Variants in MAP4K5 observed in about 807,000 individuals in gnomAD.
MAP4K5 encodes MAPK/ERK kinase kinase kinase 5.
MAP4K5 carries 82 observed loss-of-function variants against 135.6 expected under a neutral mutation model. That is an observed-to-expected ratio of 0.60 (90% CI 0.51 to 0.73). MAP4K5 has a LOEUF of 0.73. Among genes scored for constraint, MAP4K5 ranks in the 30% least tolerant of loss-of-function variants. The probability of loss-of-function intolerance (pLI) is 0.00; values close to 1 mark genes in which losing one functional copy is unlikely to be tolerated. For synonymous variants in MAP4K5, 347 were observed against 335.0 expected, an observed-to-expected ratio of 1.04 and a Z score of -0.39; for missense variants, 907 against 1,010.9, an observed-to-expected ratio of 0.90 and a Z score of 1.39.
chr14:50,486,307 C>A, intron 3 of MAP4K5, 113 bp from the exon 4 acceptor site: 3 of 500,318 alleles, frequency 6.0e-6, no homozygotes, highest in Non-Finnish European at 1.1e-5. Context: ...ATTCTTAATA[C>A]TTCAATGAAA....
intron 2 of MAP4K5, among the ~76,000 whole-genome samples, chr14:50,523,896 T>C (rs1240832036): frequency 6.6e-6 from 1 of 152,136 alleles, no homozygotes; most frequent in African/African-American, 2.4e-5. Flanking sequence ...CCAGCTCCCA[T>C]TCATTAACAT....
chr14:50,468,165 A>G (rs1057307253), intron 10 of MAP4K5, among the ~76,000 whole-genome samples: 1 of 152,154 alleles, frequency 6.6e-6, no homozygotes, highest in African/African-American at 2.4e-5. Context: ...TATAACTAGA[A>G]AAGTTTCATC....
chr14:50,425,386 C>G (rs2035823467), intron 31 of MAP4K5, among the ~76,000 whole-genome samples: 1 of 151,988 alleles, frequency 6.6e-6, no homozygotes, highest in African/African-American at 2.4e-5. Flanking sequence ...TTATTTTGAG[C>G]CTGAAATAAG....
chr14:50,458,729 G>T (rs1163599873), intron 13 of MAP4K5, among the ~76,000 whole-genome samples: 1 of 152,154 alleles, frequency 6.6e-6, no homozygotes, highest in African/African-American at 2.4e-5. Flanking sequence ...TCCCTTGGGT[G>T]ATCGATCACA....
intron 30 of MAP4K5, among the ~76,000 whole-genome samples, chr14:50,427,024 G>T (rs978528384): frequency 3.3e-5 from 5 of 152,070 alleles, no homozygotes; most frequent in African/African-American, 1.2e-4. Flanking sequence ...AATCACATGT[G>T]TTTCACTAAC....
chr14:50,423,125 C>A lies in MAP4K5; in HGVS notation c.2449G>T (p.Asp817Tyr). 6.5e-7 allele frequency: 1 copy of A among 1,547,660 alleles called. No individual in the cohort carries two copies. Among genetic ancestry groups the A allele is most frequent in the Non-Finnish European group, 8.9e-7 (1 of 1,126,440 alleles). The change falls in exon 32 of 33, where the codon GAC (aspartate) becomes TAC (tyrosine). Residue 817 changes from aspartate (D) to tyrosine (Y), a missense_variant. Physicochemically the swap from Asp to Tyr is radical, Grantham distance 160. Transcript: ENST00000682126. ...ETRVFRLLGSDRVVVLESRPT... is the reference protein window; with the variant it reads ...ETRVFRLLGSYRVVVLESRPT... ...TTAATACAACCAAACTATTACCTGT[C>A]TGATCCTAATAAGCGGAAAACTCTT...
chr14:50,468,412 T>C (rs2036879796), intron 10 of MAP4K5: 1 of 468,778 alleles, frequency 2.1e-6, no homozygotes, highest in East Asian at 3.4e-5. Context: ...ACTAGTCAAG[T>C]ACAGTAGTGA....
At chr14:50,445,435 A>G (rs1330239634) in intron 17 of MAP4K5, among the ~76,000 whole-genome samples, 1 of 152,192 alleles carries the variant, frequency 6.6e-6, no homozygotes, top group Non-Finnish European at 1.5e-5. Context: ...CCACAAAACA[A>G]CTAGAAACAA....
chr14:50,523,168 G>A (rs537785340), intron 2 of MAP4K5, among the ~76,000 whole-genome samples: 25 of 152,214 alleles, frequency 1.6e-4, no homozygotes, highest in African/African-American at 4.6e-4. Context: ...AAAATTAGCC[G>A]GGCGTGGTGG....
intron 26 of MAP4K5, among the ~76,000 whole-genome samples, chr14:50,436,363 G>C (rs559654748): frequency 6.6e-6 from 1 of 152,084 alleles, no homozygotes; most frequent in Non-Finnish European, 1.5e-5. Flanking sequence ...GGGGGACTCT[G>C]GTCACTGGAT....
chr14:50,427,473 T>C (rs536848245), intron 30 of MAP4K5, among the ~76,000 whole-genome samples: 1 of 152,314 alleles, frequency 6.6e-6, no homozygotes, highest in South Asian at 2.1e-4. Context: ...ATTTTGTGGA[T>C]AAAACTCCAA....
intron 2 of MAP4K5, among the ~76,000 whole-genome samples, chr14:50,514,298 G>A (rs2037988292): frequency 6.6e-6 from 1 of 151,954 alleles, no homozygotes; most frequent in Non-Finnish European, 1.5e-5. Flanking sequence ...GGCCAGGATG[G>A]TCTCAAATTC....
At chr14:50,468,340 GA>G (rs2036877996) in intron 10 of MAP4K5, 2 of 233,090 alleles carry the variant, frequency 8.6e-6, no homozygotes, top group South Asian at 2.5e-4. Flanking sequence ...AAACAGTACA[GA>G]CAATTTACTC....
chr14:50,493,766 T>A (rs1595510055), intron 3 of MAP4K5, among the ~76,000 whole-genome samples: 1 of 152,146 alleles, frequency 6.6e-6, no homozygotes, highest in Non-Finnish European at 1.5e-5. Flanking sequence ...CACGGGCAGA[T>A]CGCCTGAGGT....
chr14:50,507,651 A>G (rs1459706627), intron 2 of MAP4K5, among the ~76,000 whole-genome samples: 3 of 152,144 alleles, frequency 2.0e-5, no homozygotes, highest in African/African-American at 7.2e-5. Flanking sequence ...CATGCAGTTG[A>G]GCAGTTTTGA....
Position 50,441,789 on chromosome 14 carries a change from CACACACACAT to C in MAP4K5, c.1564+933_1564+942del, listed in dbSNP as rs1290658874. ...ACACACACACACACACACACACACA[CACACACACAT>C]ATATATACCCCCTCTGTCATACTTT... On this transcript the variant is annotated intron_variant, in intron 21 of 32. Transcript: ENST00000682126. 7.0e-4 allele frequency among the ~76,000 whole-genome samples: 59 copies of C among 84,714 alleles called. 1 individual carries two copies. In the South Asian group the frequency reaches 0.011, roughly 16 times the overall value. 55.6% of individuals were successfully genotyped at this position (84,714 alleles called of 152,430 possible). A position where few individuals can be genotyped will look rare whatever the true frequency, so the allele number is the denominator to read the frequency against.
intron 9 of MAP4K5, chr14:50,472,317 C>CAT (rs2036984015): frequency 6.6e-6 from 1 of 152,114 alleles, no homozygotes; most frequent in African/African-American, 2.4e-5. Flanking sequence ...TAACATACTT[C>CAT]ATAGAAATCC....
intron 5 of MAP4K5, among the ~76,000 whole-genome samples, chr14:50,484,884 T>G (rs2037330494): frequency 6.6e-6 from 1 of 152,198 alleles, no homozygotes; most frequent in Non-Finnish European, 1.5e-5. Flanking sequence ...ATATTTCACG[T>G]AATTCTTTAA....
chr14:50,560,476 C>G, intron 1 of MAP4K5: 1 of 820,336 alleles, frequency 1.2e-6, no homozygotes, highest in Non-Finnish European at 1.9e-6. Flanking sequence ...GAGCGGTACC[C>G]GCGTCACCGA....
Sources: gnomAD v4.1 joint callset for allele counts (sites outside exome capture counted in the v4.1 genomes callset) on GRCh38, gnomAD v4.1.1 for gene constraint, MANE v1.5 for transcripts, NCBI Gene and HGNC (gene_info 2026-07-23, HGNC 2026-07-21) for gene names.